The following ZDHHC14 variants were observed in gnomAD, a reference collection of about 807,000 sequenced individuals.
ZDHHC14 encodes zDHHC palmitoyltransferase 14.
A neutral mutation model predicts 47.7 loss-of-function variants in ZDHHC14; 16 were observed. The ratio of observed to expected loss-of-function variants is 0.34; its 90% confidence interval spans 0.23 to 0.51. The LOEUF (loss-of-function observed/expected upper bound fraction) is 0.51. Ranked by LOEUF, ZDHHC14 falls within the 20% of genes least tolerant of loss-of-function variation. The pLI is 0.97. For missense variants in ZDHHC14, 515 were observed against 662.5 expected (o/e 0.78, Z 2.44); for synonymous variants, 293 against 278.9 (o/e 1.05, Z -0.50).
intron 1 of ZDHHC14, among the ~76,000 whole-genome samples, chr6:157,489,104 A>G (rs897089360): frequency 6.6e-6 from 1 of 152,246 alleles, no homozygotes; most frequent in African/African-American, 2.4e-5. Flanking sequence ...GATGTTTGCA[A>G]ATCGAGGGTG....
intron 3 of ZDHHC14, among the ~76,000 whole-genome samples, chr6:157,622,401 TAAATA>T (rs1227260406): frequency 1.3e-5 from 2 of 151,988 alleles, no homozygotes; most frequent in African/African-American, 2.4e-5. Flanking sequence ...AAAATATAAA[TAAATA>T]AAATAAAATT....
At chr6:157,430,311 TAAAA>T (rs67359917) in intron 1 of ZDHHC14, among the ~76,000 whole-genome samples, 9 of 96,328 alleles carry the variant, frequency 9.3e-5, no homozygotes, top group African/African-American at 1.9e-4. Flanking sequence ...CAAGACTGTG[TAAAA>T]AAAAAAAAAA....
chr6:157,433,770 A>T (rs1320432964), intron 1 of ZDHHC14, among the ~76,000 whole-genome samples: 2 of 152,192 alleles, frequency 1.3e-5, no homozygotes, highest in African/African-American at 4.8e-5. Context: ...ATCGGCCTTG[A>T]CGAGTGTCCT....
chr6:157,588,435 G>A (rs1783776221), intron 2 of ZDHHC14, among the ~76,000 whole-genome samples: 1 of 152,090 alleles, frequency 6.6e-6, no homozygotes, highest in South Asian at 2.1e-4. Flanking sequence ...CTCCAGCCAG[G>A]GTGACAGAGT....
chr6:157,418,589 T>C (rs575267394), intron 1 of ZDHHC14, among the ~76,000 whole-genome samples: 6 of 152,298 alleles, frequency 3.9e-5, no homozygotes, highest in African/African-American at 1.2e-4. Flanking sequence ...AAACATGGCT[T>C]GTTCATATTT....
intron 6 of ZDHHC14, 100 bp from the exon 7 acceptor site, chr6:157,647,159 G>A: frequency 1.3e-6 from 1 of 784,554 alleles, no homozygotes. Flanking sequence ...TTGGATTAAA[G>A]ATGATTTGCA....
chr6:157,538,955 A>G (rs1475413647), intron 1 of ZDHHC14, among the ~76,000 whole-genome samples: 1 of 152,130 alleles, frequency 6.6e-6, no homozygotes, highest in African/African-American at 2.4e-5. Context: ...GAGGGAGAGA[A>G]GGTGACTGTG....
intron 8 of ZDHHC14, among the ~76,000 whole-genome samples, chr6:157,657,136 C>T (rs1778138281): frequency 6.6e-6 from 1 of 152,098 alleles, no homozygotes; most frequent in African/African-American, 2.4e-5. Flanking sequence ...GCAACCTTCA[C>T]CTCCTGGTCT....
chr6:157,484,340 TTATACGTATATATACACACATA>T (rs1218302507), intron 1 of ZDHHC14, among the ~76,000 whole-genome samples: 42 of 141,190 alleles, frequency 3.0e-4, no homozygotes, highest in Non-Finnish European at 4.5e-4. Flanking sequence ...TATATATACA[TTATACGTATATATACACACATA>T]TATACGTATA....
chr6:157,518,308 T>G (rs1780775054), intron 1 of ZDHHC14, among the ~76,000 whole-genome samples: 1 of 148,060 alleles, frequency 6.8e-6, no homozygotes, highest in Admixed American at 6.9e-5. Context: ...GTGGTCCCTG[T>G]TGGGCAGTAG....
chr6:157,524,647 C>A (rs1781094055), intron 1 of ZDHHC14, among the ~76,000 whole-genome samples: 1 of 152,194 alleles, frequency 6.6e-6, no homozygotes, highest in Non-Finnish European at 1.5e-5. Context: ...GACCATGGAG[C>A]AGTGACCCAA....
chr6:157,665,486 CA>C (rs1224234298), intron 8 of ZDHHC14, among the ~76,000 whole-genome samples: 1 of 152,142 alleles, frequency 6.6e-6, no homozygotes, highest in African/African-American at 2.4e-5. Context: ...AAAGAGGCCC[CA>C]GGTATCTTTG....
chr6:157,534,937 A>G (rs1233199780), intron 1 of ZDHHC14, among the ~76,000 whole-genome samples: 1 of 152,206 alleles, frequency 6.6e-6, no homozygotes, highest in Non-Finnish European at 1.5e-5. Flanking sequence ...TTGATGCACC[A>G]CAATATTCAC....
At chr6:157,558,733 A>G (rs1782581084) in intron 2 of ZDHHC14, among the ~76,000 whole-genome samples, 2 of 152,118 alleles carry the variant, frequency 1.3e-5, no homozygotes, top group South Asian at 4.1e-4. Context: ...TACTAAAACA[A>G]AAATGATTGG....
At chr6:157,638,611 C>G (rs370769827) in intron 5 of ZDHHC14, among the ~76,000 whole-genome samples, 2 of 152,342 alleles carry the variant, frequency 1.3e-5, no homozygotes. Context: ...CCACCATGGG[C>G]AAAACCTGAC....
At chr6:157,641,631 T>A (rs1777255477) in intron 5 of ZDHHC14, among the ~76,000 whole-genome samples, 1 of 152,184 alleles carries the variant, frequency 6.6e-6, no homozygotes, top group South Asian at 2.1e-4. Context: ...TTTGCCAATC[T>A]CCAAATCCAA....
At chr6:157,511,447 C>G (rs1356092823) in intron 1 of ZDHHC14, among the ~76,000 whole-genome samples, 2 of 151,056 alleles carry the variant, frequency 1.3e-5, no homozygotes, top group African/African-American at 4.9e-5. Context: ...ATGGTGCCAT[C>G]TCGGCTCACT....
At chr6:157,510,741 C>CG (rs1192403685) in intron 1 of ZDHHC14, among the ~76,000 whole-genome samples, 2 of 152,178 alleles carry the variant, frequency 1.3e-5, no homozygotes, top group Non-Finnish European at 2.9e-5. Flanking sequence ...GGGAGGGGCC[C>CG]GGGGTCCACG....
At chr6:157,444,830 T>C (rs1419629612) in intron 1 of ZDHHC14, among the ~76,000 whole-genome samples, 1 of 151,990 alleles carries the variant, frequency 6.6e-6, no homozygotes, top group Non-Finnish European at 1.5e-5. Flanking sequence ...CCTTCCATGG[T>C]CTAGTCAGCT....
Sources: gnomAD v4.1 joint callset for allele counts (sites outside exome capture counted in the v4.1 genomes callset) on GRCh38, gnomAD v4.1.1 for gene constraint, MANE v1.5 for transcripts, NCBI Gene and HGNC (gene_info 2026-07-23, HGNC 2026-07-21) for gene names.